LRRC7: variants seen among roughly 807,000 people sequenced by gnomAD.
The protein encoded by LRRC7 is leucine-rich repeat-containing protein 7.
Under a neutral mutation model 175.7 loss-of-function variants are expected in LRRC7, and 23 were observed. That is an observed-to-expected ratio of 0.13 (90% CI 0.09 to 0.19). The LOEUF is 0.19. Among genes scored for constraint, LRRC7 ranks in the 10% least tolerant of loss-of-function variants. LRRC7 has a pLI of 1.00. For missense variants in LRRC7, 1,354 were observed against 1,904.7 expected (o/e 0.71, Z 5.38); for synonymous variants, 685 against 680.9 (o/e 1.01, Z -0.09).
At chr1:69,621,170 G>C (rs977160669) in intron 1 of LRRC7, among the ~76,000 whole-genome samples, 1 of 151,698 alleles carries the variant, frequency 6.6e-6, no homozygotes, top group South Asian at 2.1e-4. Flanking sequence ...TCAGGTTCCC[G>C]AGTAGCTGGG....
intron 1 of LRRC7, among the ~76,000 whole-genome samples, chr1:69,603,583 T>C (rs1421239002): frequency 6.6e-6 from 1 of 152,182 alleles, no homozygotes; most frequent in Non-Finnish European, 1.5e-5. Context: ...ACAGATATTA[T>C]ACAAATAGGA....
At chr1:70,103,561 C>T (rs1664946349) in intron 25 of LRRC7, among the ~76,000 whole-genome samples, 1 of 152,110 alleles carries the variant, frequency 6.6e-6, no homozygotes, top group African/African-American at 2.4e-5. Flanking sequence ...CTGAAGATTC[C>T]AGAAAAGAAT....
chr1:69,751,162 A>AGCAATTATAATAT (rs146319242), intron 2 of LRRC7, among the ~76,000 whole-genome samples: 2,544 of 152,292 alleles, frequency 0.017, 70 homozygotes, highest in African/African-American at 0.059. Context: ...TTGCTTTTAT[A>AGCAATTATAATAT]GCAATTATAA....
intron 5 of LRRC7, among the ~76,000 whole-genome samples, chr1:69,832,724 T>C (rs1206103266): frequency 6.6e-6 from 1 of 152,162 alleles, no homozygotes; most frequent in Non-Finnish European, 1.5e-5. Flanking sequence ...TCTAAGGATA[T>C]AACTTAAGTA....
chr1:69,657,730 A>C (rs890320549), intron 1 of LRRC7, among the ~76,000 whole-genome samples: 1 of 151,894 alleles, frequency 6.6e-6, no homozygotes, highest in Non-Finnish European at 1.5e-5. Context: ...CATGCAGATG[A>C]ATTTTCTTCC....
intron 8 of LRRC7, among the ~76,000 whole-genome samples, chr1:69,935,636 G>A (rs779657142): frequency 1.1e-4 from 17 of 151,892 alleles, no homozygotes; most frequent in South Asian, 2.1e-4. Context: ...GTGAAATGCC[G>A]GTTTATGTAT....
At chr1:69,936,423 T>A (rs1648031017) in intron 8 of LRRC7, among the ~76,000 whole-genome samples, 1 of 152,224 alleles carries the variant, frequency 6.6e-6, no homozygotes, top group Non-Finnish European at 1.5e-5. Flanking sequence ...TTTTAATATC[T>A]GAGTTTTATA....
intron 4 of LRRC7, among the ~76,000 whole-genome samples, chr1:69,793,246 A>G (rs1219964109): frequency 6.6e-6 from 1 of 152,156 alleles, no homozygotes; most frequent in Non-Finnish European, 1.5e-5. Flanking sequence ...GGGCATGCCT[A>G]GAGAAGGATG....
intron 1 of LRRC7, among the ~76,000 whole-genome samples, chr1:69,628,151 G>A (rs1651902643): frequency 6.6e-6 from 1 of 152,056 alleles, no homozygotes; most frequent in African/African-American, 2.4e-5. Context: ...TAAGAGAAAA[G>A]AAGGAAATAA....
At chr1:69,791,894 T>G in intron 3 of LRRC7, 149 bp from the exon 4 acceptor site, 2 of 513,248 alleles carry the variant, frequency 3.9e-6, no homozygotes, top group East Asian at 3.2e-5. Flanking sequence ...CAGAAACAAT[T>G]GAGAAGATGA....
intron 1 of LRRC7, among the ~76,000 whole-genome samples, chr1:69,640,596 ATTTAT>A (rs979847564): frequency 5.3e-5 from 8 of 150,420 alleles, no homozygotes; most frequent in Admixed American, 2.7e-4. Flanking sequence ...ATTTTGTTAT[ATTTAT>A]TTTATTTAAT....
At chr1:69,711,710 C>T (rs35445128) in intron 2 of LRRC7, among the ~76,000 whole-genome samples, 12,121 of 152,190 alleles carry the variant, frequency 0.08, 563 homozygotes, top group East Asian at 0.14. Context: ...TGTAGCAACA[C>T]TTGATAAATA....
intron 8 of LRRC7, among the ~76,000 whole-genome samples, chr1:69,950,536 G>C (rs1649810223): frequency 6.6e-6 from 1 of 152,054 alleles, no homozygotes; most frequent in African/African-American, 2.4e-5. Flanking sequence ...ATGACAAATA[G>C]TCTCAAAAAT....
chr1:69,923,624 C>A (rs1470029127), intron 7 of LRRC7, among the ~76,000 whole-genome samples: 3 of 152,136 alleles, frequency 2.0e-5, no homozygotes, highest in Non-Finnish European at 4.4e-5. Context: ...CTGTTCATGT[C>A]CTTTGCCCAC....
intron 1 of LRRC7, among the ~76,000 whole-genome samples, chr1:69,653,491 TA>T (rs150802605): frequency 0.099 from 14,964 of 150,560 alleles, 838 homozygotes; most frequent in African/African-American, 0.16. Flanking sequence ...TGCGTGCTAA[TA>T]AAAAAAAAGA....
At chr1:70,020,927 A>AT (rs1657424127) in intron 15 of LRRC7, 78 bp from the exon 16 acceptor site, 3 of 1,223,406 alleles carry the variant, frequency 2.5e-6, no homozygotes, top group Non-Finnish European at 3.3e-6. Flanking sequence ...ATCTATCACC[A>AT]TTTTTGCATA....
intron 7 of LRRC7, among the ~76,000 whole-genome samples, chr1:69,924,610 T>A (rs1364086714): frequency 6.6e-6 from 1 of 152,192 alleles, no homozygotes; most frequent in African/African-American, 2.4e-5. Flanking sequence ...TGTCTGTTAT[T>A]GGTGTATAAG....
At chr1:70,113,244 G>T (rs1665639137) in intron 26 of LRRC7, among the ~76,000 whole-genome samples, 1 of 152,158 alleles carries the variant, frequency 6.6e-6, no homozygotes, top group South Asian at 2.1e-4. Context: ...GGTGTGATCA[G>T]CTTGCTGAGA....
At chr1:69,800,742 T>G (rs1279258682) in intron 4 of LRRC7, among the ~76,000 whole-genome samples, 1 of 151,906 alleles carries the variant, frequency 6.6e-6, no homozygotes, top group Non-Finnish European at 1.5e-5. Flanking sequence ...TTTCTCTTGG[T>G]TGAATACTCT....
Sources: gnomAD v4.1 joint callset for allele counts (sites outside exome capture counted in the v4.1 genomes callset) on GRCh38, gnomAD v4.1.1 for gene constraint, MANE v1.5 for transcripts, NCBI Gene and HGNC (gene_info 2026-07-23, HGNC 2026-07-21) for gene names.